The following CPNE4 variants were observed in gnomAD, a reference collection of about 807,000 sequenced individuals.
The protein encoded by CPNE4 is copine 4, also known as copine-4.
A neutral mutation model predicts 67.9 loss-of-function variants in CPNE4; 25 were observed. The observed-to-expected ratio is 0.37, with a 90% confidence interval of 0.27 to 0.51. CPNE4 has a LOEUF of 0.51. Ranked by LOEUF, CPNE4 falls within the 20% of genes least tolerant of loss-of-function variation. CPNE4 has a pLI of 0.93. For missense variants in CPNE4, 464 were observed against 690.8 expected, an observed-to-expected ratio of 0.67 and a Z score of 3.68; for synonymous variants, 242 against 244.9, an observed-to-expected ratio of 0.99 and a Z score of 0.11.
intron 7 of CPNE4, among the ~76,000 whole-genome samples, chr3:131,603,979 T>C (rs1939358133): frequency 6.6e-6 from 1 of 152,096 alleles, no homozygotes; most frequent in Non-Finnish European, 1.5e-5. Flanking sequence ...GATTTAGAAA[T>C]CTAAGGATTT....
chr3:131,621,082 G>A (rs1479814911), intron 7 of CPNE4, among the ~76,000 whole-genome samples: 2 of 152,082 alleles, frequency 1.3e-5, no homozygotes, highest in East Asian at 3.9e-4. Flanking sequence ...GCAAAACTAA[G>A]ACCCAAGTTC....
chr3:131,672,653 A>G (rs1008809794), intron 6 of CPNE4, among the ~76,000 whole-genome samples: 4 of 151,994 alleles, frequency 2.6e-5, no homozygotes, highest in African/African-American at 9.7e-5. Flanking sequence ...ATGTTTATTC[A>G]TATCTTTTGC....
intron 1 of CPNE4, among the ~76,000 whole-genome samples, chr3:131,999,240 G>GCA: frequency 9.6e-5 from 1 of 10,382 alleles, no homozygotes; most frequent in East Asian, 1.0e-3. Context: ...TTTATCCAAG[G>GCA]TAAAAAAAAA....
At chr3:131,776,994 T>C in intron 2 of CPNE4, among the ~76,000 whole-genome samples, 1 of 152,130 alleles carries the variant, frequency 6.6e-6, no homozygotes, top group East Asian at 1.9e-4. Flanking sequence ...CTCAGGGAAG[T>C]TGGCTAGTGG....
intron 5 of CPNE4, among the ~76,000 whole-genome samples, chr3:131,689,191 C>T (rs1332948250): frequency 6.6e-6 from 1 of 152,152 alleles, no homozygotes; most frequent in Non-Finnish European, 1.5e-5. Context: ...TTCTCCAAGG[C>T]TTAGTTTGCC....
chr3:131,974,706 G>A (rs2072599450), intron 1 of CPNE4, among the ~76,000 whole-genome samples: 2 of 152,056 alleles, frequency 1.3e-5, no homozygotes, highest in African/African-American at 4.8e-5. Flanking sequence ...TGTTCAAAAG[G>A]GATTAAAGAA....
At chr3:131,957,563 G>A (rs1232710353) in intron 1 of CPNE4, among the ~76,000 whole-genome samples, 1 of 152,152 alleles carries the variant, frequency 6.6e-6, no homozygotes, top group East Asian at 1.9e-4. Context: ...GCCTTTCACT[G>A]AGGAAAACAA....
chr3:131,550,799 C>T (rs961930746), intron 13 of CPNE4, among the ~76,000 whole-genome samples: 1 of 152,094 alleles, frequency 6.6e-6, no homozygotes, highest in Non-Finnish European at 1.5e-5. Context: ...TCATCACGGA[C>T]AACCCCTCAT....
At chr3:131,976,806 T>C (rs1030105773) in intron 1 of CPNE4, among the ~76,000 whole-genome samples, 1 of 151,982 alleles carries the variant, frequency 6.6e-6, no homozygotes, top group Admixed American at 6.6e-5. Context: ...ATTCTTTTTT[T>C]TTTTTCTTTT....
chr3:131,885,873 A>G lies in CPNE4; in HGVS notation c.180+19391T>C, dbSNP rs145468722. Among the ~76,000 whole-genome samples the G allele has an allele frequency of 3.3e-5, 5 of 152,340 alleles. No individual in the cohort carries two copies. The East Asian group carries it at 9.6e-4, about 29-fold the overall frequency. The stretch of plus-strand genomic sequence containing the variant: ...TAAGCAGCAAAGCATTCAAAAGGTG[A>G]CGTAGGTGCTATTAATTCAGTTTTA... On this transcript the variant is annotated intron_variant, in intron 2 of 15. Transcript: ENST00000429747.
At chr3:131,615,933 A>ACACACACG (rs1553739671) in intron 7 of CPNE4, among the ~76,000 whole-genome samples, 1 of 130,604 alleles carries the variant, frequency 7.7e-6, no homozygotes, top group African/African-American at 2.8e-5. Context: ...ACACACGCAC[A>ACACACACG]CACACACACA....
chr3:131,977,666 A>G (rs1168136387), intron 1 of CPNE4, among the ~76,000 whole-genome samples: 2 of 152,070 alleles, frequency 1.3e-5, no homozygotes, highest in African/African-American at 4.8e-5. Context: ...AAATTTTCCT[A>G]CATCATTAAA....
chr3:132,015,840 A>G (rs1319815583), intron 1 of CPNE4, among the ~76,000 whole-genome samples: 1 of 152,246 alleles, frequency 6.6e-6, no homozygotes, highest in Non-Finnish European at 1.5e-5. Flanking sequence ...AAAACACAGC[A>G]TCTCAGCTGG....
intron 1 of CPNE4, among the ~76,000 whole-genome samples, chr3:131,922,798 C>T (rs537162765): frequency 6.6e-6 from 1 of 152,126 alleles, no homozygotes; most frequent in Non-Finnish European, 1.5e-5. Context: ...ATAAAAGAAG[C>T]AAGCATAATA....
In CPNE4 at chr3:131,583,630, G is replaced by A. The variant is rs935607927; in HGVS notation, c.781-1965C>T. Among the ~76,000 whole-genome samples the A allele has an allele frequency of 8.5e-5, 13 of 152,126 alleles. No homozygotes were observed. The South Asian group carries it at 2.7e-3, about 32-fold the overall frequency. ...TCTCAGGCTAAGATGAGCAAGTATG[G>A]GTTGGCTTAGTCAGGAGAGGGCTCC... On this transcript the variant is annotated intron_variant, in intron 8 of 15. Transcript: ENST00000429747.
At chr3:131,802,479 G>A (rs775084693) in intron 2 of CPNE4, among the ~76,000 whole-genome samples, 1 of 152,122 alleles carries the variant, frequency 6.6e-6, no homozygotes, top group African/African-American at 2.4e-5. Context: ...TTGACAAATT[G>A]CCCAGCTGCA....
At chr3:131,695,085 G>T (rs549889530) in intron 5 of CPNE4, among the ~76,000 whole-genome samples, 10 of 152,220 alleles carry the variant, frequency 6.6e-5, no homozygotes, top group Non-Finnish European at 1.2e-4. Context: ...TTATCATTTT[G>T]CTCCTCCATT....
chr3:131,905,234 G>T (rs530619732), intron 2 of CPNE4, 30 bp downstream of exon 2: 1 of 1,559,796 alleles, frequency 6.4e-7, no homozygotes, highest in Non-Finnish European at 8.7e-7. Context: ...ATCCAGCCAT[G>T]GTTCTGTCCA....
intron 6 of CPNE4, among the ~76,000 whole-genome samples, chr3:131,683,954 A>G (rs1198853386): frequency 3.3e-5 from 5 of 152,080 alleles, no homozygotes; most frequent in Non-Finnish European, 7.4e-5. Context: ...GTTCCAGTGC[A>G]AGGTCCCATA....
Sources: gnomAD v4.1 joint callset for allele counts (sites outside exome capture counted in the v4.1 genomes callset) on GRCh38, gnomAD v4.1.1 for gene constraint, MANE v1.5 for transcripts, NCBI Gene and HGNC (gene_info 2026-07-23, HGNC 2026-07-21) for gene names.